Variants in RBM6 observed in about 807,000 individuals in gnomAD.
RBM6 encodes the protein RNA-binding protein 6.
In RBM6, 23 loss-of-function variants were observed where a neutral mutation model predicts 140.4. That is an observed-to-expected ratio of 0.16 (90% CI 0.12 to 0.23). The LOEUF (loss-of-function observed/expected upper bound fraction) is 0.23. RBM6 is among the 10% of genes least tolerant of loss of function. The pLI, the probability that RBM6 is intolerant of heterozygous loss-of-function variation, is 1.00. For synonymous variants in RBM6, 439 were observed against 475.6 expected (o/e 0.92, Z 1.00); for missense variants, 1,139 against 1,386.7 (o/e 0.82, Z 2.84).
chr3:49,951,795 T>C (rs1019714072), intron 1 of RBM6, among the ~76,000 whole-genome samples: 1 of 151,980 alleles, frequency 6.6e-6, no homozygotes, highest in Non-Finnish European at 1.5e-5. Context: ...CAAACTCGGC[T>C]CACTGCAACC....
chr3:50,072,424 A>G (rs1201387517), intron 19 of RBM6, among the ~76,000 whole-genome samples: 2 of 151,922 alleles, frequency 1.3e-5, no homozygotes, highest in African/African-American at 4.8e-5. Flanking sequence ...AAAAAAAAGA[A>G]AAGAAAAGAA....
At position 50,058,491 on chromosome 3, in the gene RBM6, G is replaced by A. The variant is rs773085270; in HGVS notation, c.2059G>A (p.Val687Ile). Residue 687 changes from valine (V) to isoleucine (I), a missense_variant, in exon 10 of 21, where the codon GTC becomes ATC. Coordinates refer to ENST00000266022, the MANE Select transcript of RBM6 (RefSeq NM_005777.3). ...EPYVRLTTAN[V>I]RIIKNRTGPM... Reference sequence around the variant, plus strand: ...CTATGTCCGCCTTACTACTGCCAACGTCCGTATCATCAAGAACAGAACAGG... The same window carrying A: ...CTATGTCCGCCTTACTACTGCCAACATCCGTATCATCAAGAACAGAACAGG... The A allele has an allele frequency of 6.2e-7, 1 of 1,607,608 alleles. No individual in the cohort carries two copies. The highest frequency in any genetic ancestry group is 8.5e-7 in the Non-Finnish European group (1 of 1,174,104).
intron 5 of RBM6, among the ~76,000 whole-genome samples, chr3:49,993,984 C>T (rs964484036): frequency 6.6e-6 from 1 of 152,150 alleles, no homozygotes; most frequent in Admixed American, 6.5e-5. Flanking sequence ...TTCATGTGGA[C>T]CAATTTTATC....
chr3:50,050,447 C>T (rs1306050725), intron 7 of RBM6, among the ~76,000 whole-genome samples: 2 of 152,130 alleles, frequency 1.3e-5, no homozygotes, highest in African/African-American at 4.8e-5. Flanking sequence ...TTCATCCATT[C>T]CTCAATTGAT....
chr3:50,048,397 G>A (rs1276006994), intron 7 of RBM6, 78 bp downstream of exon 7: 4 of 1,549,932 alleles, frequency 2.6e-6, no homozygotes, highest in Admixed American at 3.9e-5. Flanking sequence ...AAGGCTGCCT[G>A]CTAACATGCA....
At position 50,065,118 on chromosome 3, in the gene RBM6, C is replaced by A; in HGVS notation, c.2674C>A (p.Pro892Thr). The change falls in exon 16 of 21, where the codon CCC becomes ACC. Residue 892 changes from proline to threonine, a missense_variant. This residue lies in a region of RBM6 where 163 missense variants were observed against 182.8 expected (regional missense o/e 0.89). Coordinates refer to ENST00000266022, the MANE Select transcript of RBM6 (RefSeq NM_005777.3). ...LPPTVKKEES[P>T]PPPKVVNPLI... ...TCCTACTGTGAAGAAGGAAGAGAGTCCCCCTCCAGTAAGACCAACATTGAT... is the reference window on the plus strand; with the variant it reads ...TCCTACTGTGAAGAAGGAAGAGAGTACCCCTCCAGTAAGACCAACATTGAT... 6.2e-7 allele frequency: 1 copy of A among 1,609,982 alleles called. No individual in the cohort carries two copies. The highest frequency in any genetic ancestry group is 1.7e-4 in the Middle Eastern group (1 of 6,044).
At chr3:49,968,861 G>C in intron 3 of RBM6, 113 bp downstream of exon 3, 3 of 1,275,966 alleles carry the variant, frequency 2.4e-6, no homozygotes, top group South Asian at 3.3e-5. Context: ...GCTCATGCAA[G>C]CTCCGCCTCC....
chr3:50,064,893 C>T lies in RBM6; in HGVS notation c.2587-138C>T, dbSNP rs1575860894. The T allele has an allele frequency of 3.8e-5, 24 of 631,958 alleles. No homozygotes were observed. The South Asian group carries it at 4.5e-4, about 12-fold the overall frequency. The allele number at this position is 631,958 out of a possible 1,614,324, so 39.1% of individuals were successfully genotyped here. ...TTCACTGCATTAGCCAGGGTGGTCTCGATCTCCTGACGTTGTGATCCACCT... is the reference window on the plus strand; with the variant it reads ...TTCACTGCATTAGCCAGGGTGGTCTTGATCTCCTGACGTTGTGATCCACCT... On this transcript the variant is annotated intron_variant, in intron 15 of 20. Coordinates refer to ENST00000266022, the MANE Select transcript of RBM6 (RefSeq NM_005777.3).
chr3:50,070,885 T>C (rs1197436829), intron 19 of RBM6, among the ~76,000 whole-genome samples: 1 of 152,214 alleles, frequency 6.6e-6, no homozygotes, highest in Admixed American at 6.5e-5. Context: ...CTAGGGAACC[T>C]CCATTCTCAC....
chr3:50,040,297 T>G (rs866563096), intron 6 of RBM6, among the ~76,000 whole-genome samples: 1 of 151,148 alleles, frequency 6.6e-6, no homozygotes, highest in South Asian at 2.1e-4. Flanking sequence ...ATACAAAAAA[T>G]TAGCCAGGCG....
chr3:49,958,068 GTGTGAGCCACCGCAC>G, intron 1 of RBM6, among the ~76,000 whole-genome samples: 1 of 152,184 alleles, frequency 6.6e-6, no homozygotes, highest in South Asian at 2.1e-4. Flanking sequence ...CTGACCTCAG[GTGTGAGCCACCGCAC>G]CTGGCCGAGA....
At chr3:49,941,444 C>T (rs1322155991) in intron 1 of RBM6, among the ~76,000 whole-genome samples, 1 of 151,630 alleles carries the variant, frequency 6.6e-6, no homozygotes, top group East Asian at 1.9e-4. Context: ...AGTTCGAGAC[C>T]AGCCTGACTA....
intron 1 of RBM6, among the ~76,000 whole-genome samples, chr3:49,957,776 G>A (rs767874834): frequency 1.3e-5 from 2 of 151,402 alleles, no homozygotes; most frequent in Admixed American, 6.6e-5. Flanking sequence ...AAGCAAAATT[G>A]CAATAATGCT....
At chr3:49,998,345 T>A (rs2086179127) in intron 5 of RBM6, among the ~76,000 whole-genome samples, 1 of 152,228 alleles carries the variant, frequency 6.6e-6, no homozygotes, top group Non-Finnish European at 1.5e-5. Flanking sequence ...TTTGTGTTTT[T>A]CTTTGCCTGA....
chr3:49,975,506 C>T, intron 5 of RBM6, 114 bp downstream of exon 5: 1 of 897,772 alleles, frequency 1.1e-6, no homozygotes, highest in Middle Eastern at 2.2e-4. Flanking sequence ...TTTCCAGAAG[C>T]CTCCCGTTGG....
chr3:50,050,136 G>A (rs1175170981), intron 7 of RBM6, among the ~76,000 whole-genome samples: 1 of 151,926 alleles, frequency 6.6e-6, no homozygotes, highest in Non-Finnish European at 1.5e-5. Context: ...CGAAGTTCTG[G>A]GATTACAGGT....
intron 5 of RBM6, among the ~76,000 whole-genome samples, chr3:49,995,545 C>CAA (rs762641031): frequency 6.2e-5 from 5 of 80,530 alleles, no homozygotes; most frequent in Admixed American, 1.3e-4. Flanking sequence ...GACTCTGTCT[C>CAA]AAAAAAAAAA....
chr3:49,962,721 A>C, intron 2 of RBM6, 36 bp downstream of exon 2: 1 of 1,501,336 alleles, frequency 6.7e-7, no homozygotes, highest in Non-Finnish European at 9.0e-7. Flanking sequence ...AATTGCCAGT[A>C]TTTTAATTAT....
At chr3:50,066,142 C>G in intron 16 of RBM6, 100 bp from the exon 17 acceptor site, 1 of 1,301,184 alleles carries the variant, frequency 7.7e-7, no homozygotes, top group Non-Finnish European at 1.0e-6. Context: ...TATTTTGAAC[C>G]CAATTCAATG....
Sources: gnomAD v4.1 joint callset for allele counts (sites outside exome capture counted in the v4.1 genomes callset) on GRCh38, gnomAD v4.1.1 for gene constraint, gnomAD v4.1.1 regional missense constraint, MANE v1.5 for transcripts, NCBI Gene and HGNC (gene_info 2026-07-23, HGNC 2026-07-21) for gene names.